The following RBFOX1 variants were observed in gnomAD, a reference collection of about 807,000 sequenced individuals.
RBFOX1 encodes RNA binding protein fox-1 homolog 1.
A neutral mutation model predicts 57.7 loss-of-function variants in RBFOX1; 8 were observed. That is an observed-to-expected ratio of 0.14 (90% confidence interval 0.08 to 0.25). The LOEUF (loss-of-function observed/expected upper bound fraction) is 0.25. Ranked by LOEUF, RBFOX1 falls within the 10% of genes least tolerant of loss-of-function variation. The pLI, the probability that RBFOX1 is intolerant of heterozygous loss-of-function variation, is 1.00. For missense variants in RBFOX1, 611 were observed against 548.5 expected (o/e 1.11, Z -1.14); for synonymous variants, 326 against 222.4 (o/e 1.47, Z -4.15).
chr16:7,232,757 C>G (rs2093572425), intron 4 of RBFOX1, among the ~76,000 whole-genome samples: 1 of 150,604 alleles, frequency 6.6e-6, no homozygotes, highest in African/African-American at 2.4e-5. Context: ...AGGAGAATTG[C>G]TTGAACCTGG....
chr16:5,748,803 A>T (rs967964821), intron 3 of RBFOX1, among the ~76,000 whole-genome samples: 1 of 152,112 alleles, frequency 6.6e-6, no homozygotes, highest in African/African-American at 2.4e-5. Context: ...CAGCACACTG[A>T]TGGGTCTTGA....
intron 1 of RBFOX1, among the ~76,000 whole-genome samples, chr16:6,206,378 T>G (rs2097255487): frequency 6.6e-6 from 1 of 152,186 alleles, no homozygotes; most frequent in African/African-American, 2.4e-5. Flanking sequence ...GGTTACTTCC[T>G]GCTCTGCTCC....
At chr16:6,944,746 G>C (rs112533032) in intron 3 of RBFOX1, among the ~76,000 whole-genome samples, 2 of 152,280 alleles carry the variant, frequency 1.3e-5, no homozygotes, top group African/African-American at 4.8e-5. Context: ...CATGGATAAA[G>C]TCCTGTTGCC....
At chr16:6,670,316 C>T (rs1233785301) in intron 3 of RBFOX1, among the ~76,000 whole-genome samples, 1 of 152,022 alleles carries the variant, frequency 6.6e-6, no homozygotes, top group Non-Finnish European at 1.5e-5. Context: ...GCAGTCCTTC[C>T]ATCTTGGTCT....
At chr16:5,636,453 A>G (rs1396741742) in intron 3 of RBFOX1, among the ~76,000 whole-genome samples, 1 of 152,238 alleles carries the variant, frequency 6.6e-6, no homozygotes, top group Non-Finnish European at 1.5e-5. Flanking sequence ...TGGCCAAAGC[A>G]CTGGATGAGA....
At position 7,582,090 on chromosome 16, in the gene RBFOX1, C is replaced by T. The variant is rs190131352; in HGVS notation, c.414+2170C>T. 1.9e-4 allele frequency among the ~76,000 whole-genome samples: 28 copies of T among 150,140 alleles called. No homozygotes were observed. The East Asian group carries it at 5.8e-3, about 31-fold the overall frequency. ...TGTCACCCAGACTGCAGTGAAGTGG[C>T]ATGATCTCGGCTCATTGCAACCTTT... On this transcript the variant is annotated intron_variant, in intron 6 of 15. Transcript: ENST00000550418.
rs577603441 is a variant in RBFOX1 at position 6,993,294 on chromosome 16, T to A, written c.-15-58763T>A. 8.5e-5 allele frequency among the ~76,000 whole-genome samples: 13 copies of A among 152,370 alleles called. No homozygotes were observed. The South Asian group carries it at 2.7e-3, about 32-fold the overall frequency. Reference sequence around the variant, plus strand: ...ATGTTTGTTGTTCAAATGAGTCTTCTGAGAATCAGGATCTCTTGAAAAAGA... The same window carrying A: ...ATGTTTGTTGTTCAAATGAGTCTTCAGAGAATCAGGATCTCTTGAAAAAGA... On this transcript the variant is annotated intron_variant, in intron 3 of 15. Coordinates refer to ENST00000550418, the MANE Select transcript of RBFOX1 (RefSeq NM_018723.4).
intron 10 of RBFOX1, chr16:7,614,885 G>A (rs1478284963): frequency 1.3e-5 from 2 of 152,144 alleles, no homozygotes; most frequent in African/African-American, 4.8e-5. Flanking sequence ...CCAAATCACA[G>A]AACTACCATG....
chr16:5,433,903 A>G (rs977913920), intron 1 of RBFOX1, among the ~76,000 whole-genome samples: 2 of 152,198 alleles, frequency 1.3e-5, no homozygotes, highest in Admixed American at 6.5e-5. Flanking sequence ...AGACAAGACA[A>G]CAACCCTGTG....
chr16:6,280,442 A>T lies in RBFOX1; in HGVS notation c.-126-36553A>T, dbSNP rs13337163. Among the ~76,000 whole-genome samples the T allele has an allele frequency of 7.5e-3, 1,137 of 152,218 alleles. 19 individuals are homozygous for T. Among genetic ancestry groups the T allele is most frequent in the African/African-American group, 0.026 (1,093 of 41,526 alleles). Reference sequence around the variant, plus strand: ...TTTAGTAGGAGAAAGATGGAGACAGATTGGAGACAAGTTGGCAATGAAGAG... The same window carrying T: ...TTTAGTAGGAGAAAGATGGAGACAGTTTGGAGACAAGTTGGCAATGAAGAG... On this transcript the variant is annotated intron_variant, in intron 1 of 15. Transcript: ENST00000550418.
At position 5,265,144 on chromosome 16, in the gene RBFOX1, T is replaced by A. The variant is rs150265607; in HGVS notation, c.219+25039T>A. 3.9e-3 allele frequency among the ~76,000 whole-genome samples: 587 copies of A among 152,348 alleles called. 6 individuals are homozygous for A. The highest frequency in any genetic ancestry group is 0.013 in the African/African-American group (555 of 41,582). On this transcript the variant is annotated intron_variant, in intron 1 of 2. Transcript: ENST00000585867. ...ATAAAATAGAAAAAATCTGAGAATC[T>A]GTAGCTTAGAGAACTACAGTGTGGG...
At chr16:6,711,245 C>T (rs908949136) in intron 3 of RBFOX1, among the ~76,000 whole-genome samples, 1 of 152,178 alleles carries the variant, frequency 6.6e-6, no homozygotes, top group Non-Finnish European at 1.5e-5. Flanking sequence ...CTCCTCCTAA[C>T]TCTGCTTTCA....
At chr16:6,328,053 T>A (rs548008285) in intron 2 of RBFOX1, among the ~76,000 whole-genome samples, 1 of 152,240 alleles carries the variant, frequency 6.6e-6, no homozygotes, top group East Asian at 1.9e-4. Context: ...TGCCCATCAA[T>A]CAATGAGTGG....
intron 3 of RBFOX1, among the ~76,000 whole-genome samples, chr16:6,697,165 C>A (rs534296033): frequency 6.6e-6 from 1 of 152,240 alleles, no homozygotes; most frequent in Admixed American, 6.5e-5. Context: ...AGGGCCTCTA[C>A]CTTGGTGGTG....
chr16:7,380,926 G>C (rs1278461302), intron 4 of RBFOX1, among the ~76,000 whole-genome samples: 1 of 152,216 alleles, frequency 6.6e-6, no homozygotes, highest in Non-Finnish European at 1.5e-5. Flanking sequence ...GTGTAAAGGG[G>C]AAAATGGAGA....
chr16:5,467,085 T>A, intron 1 of RBFOX1: 1 of 1,117,300 alleles, frequency 9.0e-7, no homozygotes, highest in Non-Finnish European at 1.2e-6. Context: ...TTAATGGACG[T>A]TTTGAGAATG....
intron 4 of RBFOX1, among the ~76,000 whole-genome samples, chr16:7,266,783 G>A (rs1018985762): frequency 6.6e-6 from 1 of 152,076 alleles, no homozygotes; most frequent in Admixed American, 6.5e-5. Flanking sequence ...AAAAAAATAA[G>A]AAAACATGTA....
chr16:6,817,047 C>G (rs1403260346), intron 3 of RBFOX1, among the ~76,000 whole-genome samples: 1 of 152,102 alleles, frequency 6.6e-6, no homozygotes, highest in Non-Finnish European at 1.5e-5. Context: ...CATGCTCAGC[C>G]TCTTTGACAT....
At chr16:7,441,939 G>C (rs1228485904) in intron 4 of RBFOX1, among the ~76,000 whole-genome samples, 2 of 152,206 alleles carry the variant, frequency 1.3e-5, no homozygotes, top group African/African-American at 4.8e-5. Flanking sequence ...TGGAAGCTTT[G>C]CATCTGCATT....
Sources: allele counts gnomAD v4.1 joint callset (sites outside exome capture counted in the v4.1 genomes callset), GRCh38; gene constraint gnomAD v4.1.1; transcripts MANE v1.5; gene names NCBI Gene and HGNC (gene_info 2026-07-23, HGNC 2026-07-21).